Variants in LRRC9 observed in about 807,000 individuals in gnomAD.
LRRC9 encodes leucine-rich repeat-containing protein 9.
A neutral mutation model predicts 63.2 loss-of-function variants in LRRC9; 122 were observed. The ratio of observed to expected loss-of-function variants is 1.93; its 90% CI spans 1.67 to 2.24. LRRC9 has a LOEUF of 2.24. Ranked by LOEUF, LRRC9 falls within the 30% of genes most tolerant of loss-of-function variation. LRRC9 has a pLI of 0.00. For missense variants in LRRC9, 1,071 were observed against 627.7 expected (o/e 1.71, Z -7.55); for synonymous variants, 366 against 213.1 (o/e 1.72, Z -6.25).
chr14:59,985,293 G>C, intron 17 of LRRC9, 69 bp downstream of exon 17: 1 of 539,846 alleles, frequency 1.9e-6, no homozygotes, highest in Non-Finnish European at 3.4e-6. Context: ...GTGGTTATCA[G>C]GGCCTAAGGG....
chr14:59,988,904 G>T (rs1014269400), intron 17 of LRRC9, among the ~76,000 whole-genome samples: 8 of 152,032 alleles, frequency 5.3e-5, no homozygotes, highest in Non-Finnish European at 1.0e-4. Context: ...CTTGAAAGGT[G>T]GTTTTGCAAG....
Position 59,958,453 on chromosome 14 carries a change from G to A in LRRC9, c.883-1365G>A, listed in dbSNP as rs1393441704. ...GGAAAAACCACCTACTAAAGCCTCAGTAATGGTGGACACCCCTGCCCCAAC... is the reference window on the plus strand; with the variant it reads ...GGAAAAACCACCTACTAAAGCCTCAATAATGGTGGACACCCCTGCCCCAAC... On this transcript the variant is annotated intron_variant, in intron 8 of 31. Transcript: ENST00000445360. The surrounding 1 kb of genome is among the most constrained non-coding windows in gnomAD (Gnocchi z 4.0). Among the ~76,000 whole-genome samples the A allele has an allele frequency of 6.6e-6, 1 of 152,210 alleles. No individual in the cohort carries two copies. The highest frequency in any genetic ancestry group is 1.5e-5 in the Non-Finnish European group (1 of 68,038).
Position 60,051,182 on chromosome 14 carries a change from T to G in LRRC9, c.3991-1883T>G, listed in dbSNP as rs1298645781. Among the ~76,000 whole-genome samples the G allele has an allele frequency of 1.3e-5, 2 of 152,092 alleles. No homozygotes were observed. Among genetic ancestry groups the G allele is most frequent in the African/African-American group, 4.8e-5 (2 of 41,432 alleles). Reference sequence around the variant, plus strand: ...TCCAGAGCCAGCAGGCTGGAAAAGCTGAGTCAACCAAACAACAGAGACACT... The same window carrying G: ...TCCAGAGCCAGCAGGCTGGAAAAGCGGAGTCAACCAAACAACAGAGACACT... On this transcript the variant is annotated intron_variant, in intron 29 of 31. Transcript: ENST00000445360. This position sits in a 1 kb window ranked among gnomAD's most constrained non-coding sequence, Gnocchi z 4.7.
chr14:59,933,241 G>A (rs979001142), intron 6 of LRRC9, among the ~76,000 whole-genome samples: 6 of 152,126 alleles, frequency 3.9e-5, no homozygotes, highest in African/African-American at 1.4e-4. Flanking sequence ...CCCTATCACA[G>A]TGCCACTGTT....
intron 28 of LRRC9, 39 bp downstream of exon 28, chr14:60,028,140 T>C (rs1389656559): frequency 3.0e-6 from 2 of 664,198 alleles, no homozygotes; most frequent in East Asian, 5.4e-5. Flanking sequence ...TTTACAAGCT[T>C]TAGTTTCTCT....
chr14:60,057,233 G>A (rs1894352513), intron 30 of LRRC9, among the ~76,000 whole-genome samples: 1 of 152,036 alleles, frequency 6.6e-6, no homozygotes, highest in Admixed American at 6.6e-5. Flanking sequence ...AAATTTCTAG[G>A]GGAAGCAAGA....
Position 60,058,925 on chromosome 14 carries a change from T to C in LRRC9, c.4276+903T>C, listed in dbSNP as rs1421174248. 1 of 152,200 alleles carries C rather than the reference T, an allele frequency of 6.6e-6. No homozygotes were observed. The highest frequency in any genetic ancestry group is 1.9e-4 in the East Asian group (1 of 5,198). The allele number at this position is 152,200 out of a possible 1,614,324, so 9.4% of individuals were successfully genotyped here. A position where few individuals can be genotyped will look rare whatever the true frequency, so the allele number is the denominator to read the frequency against. ...CTTATATGGCATTATGACTTCCAGG[T>C]TTTAATAATAATGAAGATTGTCATG... On this transcript the variant is annotated intron_variant, in intron 31 of 31. Transcript: ENST00000445360. This position sits in a 1 kb window ranked among gnomAD's most constrained non-coding sequence, Gnocchi z 4.4.
chr14:60,053,035 G>A lies in LRRC9; in HGVS notation c.3991-30G>A, dbSNP rs1339613305. On this transcript the variant is annotated intron_variant, in intron 29 of 31. Coordinates refer to ENST00000445360, the Ensembl canonical transcript of LRRC9. This position sits in a 1 kb window ranked among gnomAD's most constrained non-coding sequence, Gnocchi z 4.8. ...AATCTTTGAAATAAAAGTTTTGTAG[G>A]AATAAATTGTTATTTTTAACTTTAT... The A allele has an allele frequency of 2.9e-6, 2 of 684,704 alleles. No homozygotes were observed. The highest frequency in any genetic ancestry group is 1.6e-5 in the South Asian group (1 of 64,204). The allele number at this position is 684,704 out of a possible 1,614,324, so 42.4% of individuals were successfully genotyped here.
At chr14:59,993,409 G>A (rs569723700) in intron 17 of LRRC9, among the ~76,000 whole-genome samples, 10 of 152,196 alleles carry the variant, frequency 6.6e-5, no homozygotes, top group South Asian at 4.2e-4. Context: ...ATCAACTAAC[G>A]AGCAAAATAA....
At chr14:60,013,877 T>C (rs1283891921) in intron 23 of LRRC9, among the ~76,000 whole-genome samples, 1 of 152,170 alleles carries the variant, frequency 6.6e-6, no homozygotes, top group East Asian at 1.9e-4. Context: ...TATCTTTTAA[T>C]TGATGAACGA....
At chr14:59,946,350 G>A (rs935497333) in intron 8 of LRRC9, among the ~76,000 whole-genome samples, 4 of 150,690 alleles carry the variant, frequency 2.7e-5, no homozygotes, top group Non-Finnish European at 5.9e-5. Context: ...AAAATCACAA[G>A]AGATCAATAA....
intron 26 of LRRC9, among the ~76,000 whole-genome samples, chr14:60,021,760 T>C (rs895831144): frequency 6.6e-6 from 1 of 151,878 alleles, no homozygotes; most frequent in Non-Finnish European, 1.5e-5. Context: ...CTCTATTGAA[T>C]TGTTTTGGCA....
Position 59,958,111 on chromosome 14 carries a change from A to G in LRRC9, c.883-1707A>G, listed in dbSNP as rs902202509. ...CAGTCAGGAGGCACGGGGGTCAGGAACCCACTTGAGCAGGCAGTCTGTCCC... is the reference window on the plus strand; with the variant it reads ...CAGTCAGGAGGCACGGGGGTCAGGAGCCCACTTGAGCAGGCAGTCTGTCCC... On this transcript the variant is annotated intron_variant, in intron 8 of 31. Transcript: ENST00000445360. This position sits in a 1 kb window ranked among gnomAD's most constrained non-coding sequence, Gnocchi z 4.0. Among the ~76,000 whole-genome samples, 5 of 152,164 alleles carry G rather than the reference A, an allele frequency of 3.3e-5. No individual in the cohort carries two copies. Among genetic ancestry groups the G allele is most frequent in the Non-Finnish European group, 5.9e-5 (4 of 68,010 alleles).
chr14:59,952,107 C>A (rs1048335293), intron 8 of LRRC9, among the ~76,000 whole-genome samples: 6 of 152,146 alleles, frequency 3.9e-5, no homozygotes, highest in African/African-American at 1.4e-4. Context: ...GCCTCGCTGC[C>A]GCCTTGCAGT....
exon 3 of LRRC9, chr14:59,928,470 C>A: frequency 1.5e-6 from 1 of 687,328 alleles, no homozygotes; most frequent in Non-Finnish European, 2.6e-6. Context: ...CTTTGGATTG[C>A]TGAGTGCTGC....
At chr14:59,993,027 GA>G (rs1458482013) in intron 17 of LRRC9, among the ~76,000 whole-genome samples, 5 of 152,254 alleles carry the variant, frequency 3.3e-5, no homozygotes, top group African/African-American at 1.2e-4. Flanking sequence ...AAGTTGAAAT[GA>G]AGGAAAAAAT....
At chr14:60,028,559 A>ATCCT (rs1273369218) in intron 28 of LRRC9, among the ~76,000 whole-genome samples, 5 of 152,102 alleles carry the variant, frequency 3.3e-5, no homozygotes, top group Admixed American at 2.0e-4. Flanking sequence ...CTTAGATAGG[A>ATCCT]TCCTGGCTTA....
chr14:60,062,370 G>A (rs139101322), intron 31 of LRRC9, among the ~76,000 whole-genome samples, 191 bp downstream of exon 32: 147 of 152,212 alleles, frequency 9.7e-4, no homozygotes, highest in African/African-American at 3.5e-3. Flanking sequence ...CCAAAGTCCA[G>A]TGTATTTACA....
intron 7 of LRRC9, among the ~76,000 whole-genome samples, chr14:59,941,850 A>G (rs1026592670): frequency 2.6e-5 from 4 of 152,198 alleles, no homozygotes; most frequent in Non-Finnish European, 5.9e-5. Context: ...AAATATACAC[A>G]TTATAGTTAA....
Sources: allele counts gnomAD v4.1 joint callset (sites outside exome capture counted in the v4.1 genomes callset), GRCh38; gene constraint gnomAD v4.1.1; non-coding constraint Gnocchi (gnomAD v3.1); transcripts MANE v1.5; gene names NCBI Gene and HGNC (gene_info 2026-07-23, HGNC 2026-07-21).